Variants in CHD5 observed in about 807,000 individuals in gnomAD.
CHD5 encodes ATP-dependent chromatin remodeler CHD5.
In CHD5, 69 loss-of-function variants were observed where a neutral mutation model predicts 230.3. The observed-to-expected ratio is 0.30, with a 90% CI of 0.25 to 0.37. The LOEUF (loss-of-function observed/expected upper bound fraction) is 0.37. Ranked by LOEUF, CHD5 falls within the 10% of genes least tolerant of loss-of-function variation. The pLI, the probability that CHD5 is intolerant of heterozygous loss-of-function variation, is 1.00. For missense variants in CHD5, 1,827 were observed against 2,622.8 expected, an observed-to-expected ratio of 0.70 and a Z score of 6.63; for synonymous variants, 1,064 against 1,065.9, an observed-to-expected ratio of 1.00 and a Z score of 0.03.
At chr1:6,168,337 G>A in intron 1 of CHD5, 60 bp from the exon 2 acceptor site, 3 of 1,531,362 alleles carry the variant, frequency 2.0e-6, no homozygotes, top group Non-Finnish European at 2.7e-6. Context: ...GAGCCCTGGA[G>A]ACACAGAGCC....
chr1:6,134,214 C>A lies in CHD5; in HGVS notation c.3058G>T (p.Val1020Phe). The stretch of plus-strand genomic sequence containing the variant: ...AGCATGAGCTTCCCTGAAGACTTGA[C>A]CAGGGAGCTTCCATCGTAGGAGCCA... The part of the protein sequence containing the change: ...PNGSYDGSSL[V>F]KSSGKLMLLQ... The change falls in exon 20 of 42, where the codon GTC becomes TTC. Residue 1020 changes from valine to phenylalanine, a missense_variant. This residue lies in a region of CHD5 where 38 missense variants were observed against 49.5 expected (regional missense o/e 0.77). Coordinates refer to ENST00000262450, the MANE Select transcript of CHD5 (RefSeq NM_015557.3). The surrounding 1 kb of genome is among the most constrained non-coding windows in gnomAD (Gnocchi z 6.3). 6.2e-7 allele frequency: 1 copy of A among 1,613,806 alleles called. No homozygotes were observed. The highest frequency in any genetic ancestry group is 8.5e-7 in the Non-Finnish European group (1 of 1,179,930).
chr1:6,123,809 G>C (rs1219213346), intron 31 of CHD5, 139 bp downstream of exon 31: 2 of 549,646 alleles, frequency 3.6e-6, no homozygotes, highest in East Asian at 3.5e-5. Flanking sequence ...ACTCTCTGTA[G>C]AGTGACATTT....
rs1446204425 is a variant in CHD5 at position 6,171,298 on chromosome 1, C to T, written c.80-3021G>A. Among the ~76,000 whole-genome samples the T allele has an allele frequency of 2.0e-5, 3 of 152,334 alleles. No individual in the cohort carries two copies. In the East Asian group the frequency reaches 5.8e-4, roughly 29 times the overall value. On this transcript the variant is annotated intron_variant, in intron 1 of 41. Transcript: ENST00000262450. ...AGGACAAGGCCCCAGACCCTCTGCCCATGGACAGACCCCAGCTCCGTTCCC... is the reference window on the plus strand; with the variant it reads ...AGGACAAGGCCCCAGACCCTCTGCCTATGGACAGACCCCAGCTCCGTTCCC...
chr1:6,173,651 C>T (rs1459896390), intron 1 of CHD5, among the ~76,000 whole-genome samples: 1 of 152,208 alleles, frequency 6.6e-6, no homozygotes, highest in Non-Finnish European at 1.5e-5. Flanking sequence ...AAAGGACCCA[C>T]ACGATGCCTG....
Position 6,142,165 on chromosome 1 carries a change from T to C in CHD5, c.2399A>G (p.Asn800Ser). 6.2e-7 allele frequency: 1 copy of C among 1,614,170 alleles called. No homozygotes were observed. Among genetic ancestry groups the C allele is most frequent in the Non-Finnish European group, 8.5e-7 (1 of 1,180,014 alleles). ...TACCTTCTTCCCACTCCGAATGGCG[T>C]TGTCCTCAAAGGAAAACTCGTTCTC... ...IRENEFSFED[N>S]AIRSGKKVFR... Residue 800 changes from asparagine (N) to serine (S), a missense_variant, in exon 15 of 42, where the codon AAC becomes AGC. Coordinates refer to ENST00000262450, the MANE Select transcript of CHD5 (RefSeq NM_015557.3). The surrounding 1 kb of genome is among the most constrained non-coding windows in gnomAD (Gnocchi z 5.2).
At chr1:6,176,673 T>C (rs1359310943) in intron 1 of CHD5, among the ~76,000 whole-genome samples, 1 of 152,210 alleles carries the variant, frequency 6.6e-6, no homozygotes, top group African/African-American at 2.4e-5. Context: ...GCACCTATCA[T>C]GTGCTGGGCA....
chr1:6,173,127 C>T (rs1180730876), intron 1 of CHD5, among the ~76,000 whole-genome samples: 1 of 147,696 alleles, frequency 6.8e-6, no homozygotes, highest in African/African-American at 2.5e-5. Flanking sequence ...TTTTTTTAGA[C>T]GGACTCTCGC....
chr1:6,113,795 C>T (rs921524165), intron 33 of CHD5, among the ~76,000 whole-genome samples: 3 of 152,160 alleles, frequency 2.0e-5, no homozygotes, highest in Admixed American at 1.3e-4. Context: ...GCCTTGTCCT[C>T]GTGGGTGTGG....
rs780584983 is a variant in CHD5 at position 6,130,183 on chromosome 1, G to A, written c.3387+21C>T. ...GGATGAGAGGCCCCCTGGGAGGGTG[G>A]TGGGCGGCAGCAGCACAGACCTGGA... On this transcript the variant is annotated intron_variant, in intron 22 of 41. Transcript: ENST00000262450. This position sits in a 1 kb window ranked among gnomAD's most constrained non-coding sequence, Gnocchi z 4.9. The A allele has an allele frequency of 6.2e-7, 1 of 1,613,212 alleles. No homozygotes were observed. The highest frequency in any genetic ancestry group is 8.5e-7 in the Non-Finnish European group (1 of 1,179,394).
rs1189147858 is a variant in CHD5 at position 6,125,750 on chromosome 1, T to G, written c.4171+16A>C. ...TGGCCTCAGCAGTAGCCCAGACCACTAACACTGAGACTCACTCTGCCCTTC... is the reference window on the plus strand; with the variant it reads ...TGGCCTCAGCAGTAGCCCAGACCACGAACACTGAGACTCACTCTGCCCTTC... On this transcript the variant is annotated intron_variant, in intron 27 of 41. Coordinates refer to ENST00000262450, the MANE Select transcript of CHD5 (RefSeq NM_015557.3). This position sits in a 1 kb window ranked among gnomAD's most constrained non-coding sequence, Gnocchi z 6.7. 6.2e-7 allele frequency: 1 copy of G among 1,607,936 alleles called. No homozygotes were observed. Among genetic ancestry groups the G allele is most frequent in the East Asian group, 2.2e-5 (1 of 44,856 alleles).
At chr1:6,144,924 T>C (rs1342983730) in intron 11 of CHD5, among the ~76,000 whole-genome samples, 1 of 152,246 alleles carries the variant, frequency 6.6e-6, no homozygotes, top group African/African-American at 2.4e-5. Context: ...ATTGATTGTT[T>C]TGCAGATTGG....
Position 6,180,036 on chromosome 1 carries a change from GA to G in CHD5, c.-14del. The G allele has an allele frequency of 7.7e-7, 1 of 1,300,804 alleles. No individual in the cohort carries two copies. The highest frequency in any genetic ancestry group is 9.9e-7 in the Non-Finnish European group (1 of 1,009,158). 80.6% of individuals were successfully genotyped at this position (1,300,804 alleles called of 1,614,324 possible). A position where few individuals can be genotyped will look rare whatever the true frequency, so the allele number is the denominator to read the frequency against. On this transcript the variant is annotated 5_prime_UTR_variant, in exon 1 of 42. Coordinates refer to ENST00000262450, the MANE Select transcript of CHD5 (RefSeq NM_015557.3). ...CTGGGCCCCGCATGCCCGGCGCGGGGAGGAGGGGAGGTGGGCGCCCCCCCTC... is the reference window on the plus strand; with the variant it reads ...CTGGGCCCCGCATGCCCGGCGCGGGGGGAGGGGAGGTGGGCGCCCCCCCTC...
In CHD5 at chr1:6,130,258, C is replaced by T. The variant is rs776659818; in HGVS notation, c.3333G>A (p.Thr1111=). 6.2e-6 allele frequency: 10 copies of T among 1,614,002 alleles called. No individual in the cohort carries two copies. The highest frequency in any genetic ancestry group is 2.7e-5 in the African/African-American group (2 of 74,998). ...AGTCGTAGATGATGACAGTGTCCGCCGTGGCCAGGTTGATGCCCAGACCAC... is the reference window on the plus strand; with the variant it reads ...AGTCGTAGATGATGACAGTGTCCGCTGTGGCCAGGTTGATGCCCAGACCAC... ...RAGGLGINLA[T]ADTVIIYDSD... The change falls in exon 22 of 42, where the codon ACG becomes ACA. Residue 1111 remains threonine, a synonymous_variant. Transcript: ENST00000262450. This position sits in a 1 kb window ranked among gnomAD's most constrained non-coding sequence, Gnocchi z 4.9.
At position 6,124,085 on chromosome 1, in the gene CHD5, T is replaced by C. The variant is rs568577877; in HGVS notation, c.4562A>G (p.Asn1521Ser). ...RKKVQEFEHV[N>S]GKYSTPDLIP... ...CAAGTCTGGGGTGCTGTACTTCCCG[T>C]TGACATGCTCAAACTCCTGAACCTG... is the stretch of plus-strand genomic sequence containing the variant. Residue 1521 changes from asparagine to serine, a missense_variant, in exon 31 of 42, where the codon AAC becomes AGC. Transcript: ENST00000262450. 3.1e-6 allele frequency: 5 copies of C among 1,611,834 alleles called. No individual in the cohort carries two copies. The highest frequency in any genetic ancestry group is 1.7e-5 in the Admixed American group (1 of 59,328).
At chr1:6,115,025 A>G (rs12139922) in intron 33 of CHD5, among the ~76,000 whole-genome samples, 28,796 of 142,518 alleles carry the variant, frequency 0.2, 3,398 homozygotes, top group East Asian at 0.54. Context: ...AAAAAAAAAA[A>G]GGGGGGGGCA....
At chr1:6,111,042 C>T (rs1370469516) in intron 36 of CHD5, among the ~76,000 whole-genome samples, 2 of 151,782 alleles carry the variant, frequency 1.3e-5, no homozygotes, top group South Asian at 2.1e-4. Flanking sequence ...CCAGCCTGGC[C>T]AACAAGGCGA....
At chr1:6,139,027 C>T (rs1007710503) in intron 15 of CHD5, among the ~76,000 whole-genome samples, 10 of 152,174 alleles carry the variant, frequency 6.6e-5, no homozygotes, top group Non-Finnish European at 1.3e-4. Flanking sequence ...AGATGTTTCC[C>T]GATTCTACTC....
At chr1:6,166,486 G>A (rs1035900762) in intron 2 of CHD5, among the ~76,000 whole-genome samples, 129 of 152,098 alleles carry the variant, frequency 8.5e-4, no homozygotes, top group African/African-American at 2.7e-3. Context: ...GCACCGGGGC[G>A]GTACACACCT....
At position 6,155,748 on chromosome 1, in the gene CHD5, T is replaced by C; in HGVS notation, c.388-31A>G. 2 of 1,567,288 alleles carry C rather than the reference T, an allele frequency of 1.3e-6. No homozygotes were observed. Among genetic ancestry groups the C allele is most frequent in the Non-Finnish European group, 1.8e-6 (2 of 1,138,318 alleles). On this transcript the variant is annotated intron_variant, in intron 3 of 41. Coordinates refer to ENST00000262450, the MANE Select transcript of CHD5 (RefSeq NM_015557.3). The surrounding 1 kb of genome is among the most constrained non-coding windows in gnomAD (Gnocchi z 4.0). The stretch of plus-strand genomic sequence containing the variant: ...GAGACCCAGGCCAGAGGTAGAGTTG[T>C]TGAGGGGCCTTCTGACCTGCACCCC...
Sources: allele counts gnomAD v4.1 joint callset (sites outside exome capture counted in the v4.1 genomes callset), GRCh38; gene constraint gnomAD v4.1.1; regional missense constraint gnomAD v4.1.1; non-coding constraint Gnocchi (gnomAD v3.1); transcripts MANE v1.5; gene names NCBI Gene and HGNC (gene_info 2026-07-23, HGNC 2026-07-21).